STARD13: variants seen among roughly 807,000 people sequenced by gnomAD.
STARD13 encodes stAR-related lipid transfer protein 13.
Under a neutral mutation model 106.4 loss-of-function variants are expected in STARD13, and 62 were observed. The observed-to-expected ratio is 0.58, with a 90% CI of 0.48 to 0.72. The LOEUF is 0.72. STARD13 is among the 30% of genes least tolerant of loss of function. STARD13 has a pLI of 0.00. For missense variants in STARD13, 1,387 were observed against 1,424.0 expected (o/e 0.97, Z 0.42); for synonymous variants, 565 against 553.0 (o/e 1.02, Z -0.31).
At chr13:33,318,701 G>T (rs1594257070) in intron 1 of STARD13, among the ~76,000 whole-genome samples, 1 of 151,664 alleles carries the variant, frequency 6.6e-6, no homozygotes, top group East Asian at 1.9e-4. Context: ...GAAATAAAAA[G>T]AACTCTTAAA....
intron 1 of STARD13, chr13:33,186,053 A>C: frequency 6.2e-7 from 1 of 1,613,558 alleles, no homozygotes; most frequent in Non-Finnish European, 8.5e-7. Context: ...AGCAAGGAGC[A>C]GATGATAGTC....
chr13:33,265,646 CAT>C (rs1169798616), intron 1 of STARD13, among the ~76,000 whole-genome samples: 1 of 152,136 alleles, frequency 6.6e-6, no homozygotes, highest in Non-Finnish European at 1.5e-5. Flanking sequence ...CCTTGCCACT[CAT>C]ATTAAATTCA....
the STARD13 span, among the ~76,000 whole-genome samples, chr13:33,607,920 G>A: frequency 8.5e-5 from 13 of 152,132 alleles, no homozygotes; most frequent in Non-Finnish European, 1.6e-4. Context: ...TAAAGAAACC[G>A]TTTTTTAGAG....
chr13:33,111,730 T>A (rs1165770121), intron 10 of STARD13, 48 bp downstream of exon 10: 2 of 1,123,748 alleles, frequency 1.8e-6, no homozygotes, highest in South Asian at 1.2e-5. Flanking sequence ...GCGTCTTATC[T>A]AGTTCCAAGA....
chr13:33,306,081 A>G (rs1427478942), intron 1 of STARD13, among the ~76,000 whole-genome samples: 1 of 152,252 alleles, frequency 6.6e-6, no homozygotes, highest in Non-Finnish European at 1.5e-5. Context: ...AAACTATACT[A>G]CAAGGCTACA....
At chr13:33,505,186 T>G in the STARD13 span, among the ~76,000 whole-genome samples, 1 of 152,148 alleles carries the variant, frequency 6.6e-6, no homozygotes. Flanking sequence ...AAGCACTAAG[T>G]TTCACATTTA....
intron 1 of STARD13, among the ~76,000 whole-genome samples, chr13:33,270,015 C>T (rs1891081831): frequency 6.6e-6 from 1 of 152,142 alleles, no homozygotes; most frequent in Non-Finnish European, 1.5e-5. Context: ...GTGGGTGGAT[C>T]ATCTAAGGTC....
chr13:33,638,565 T>G, the STARD13 span, among the ~76,000 whole-genome samples: 1 of 152,176 alleles, frequency 6.6e-6, no homozygotes, highest in African/African-American at 2.4e-5. Flanking sequence ...TTCCTTATCA[T>G]GCAGATGAAG....
the STARD13 span, among the ~76,000 whole-genome samples, chr13:33,537,000 TC>T: frequency 6.6e-6 from 1 of 152,242 alleles, no homozygotes; most frequent in Non-Finnish European, 1.5e-5. Context: ...AATCAGATTT[TC>T]TTTTAGGTTA....
At chr13:33,473,640 A>T in the STARD13 span, among the ~76,000 whole-genome samples, 1 of 152,162 alleles carries the variant, frequency 6.6e-6, no homozygotes, top group Non-Finnish European at 1.5e-5. Context: ...CCAGTAATGC[A>T]TTGCTTATGG....
the STARD13 span, among the ~76,000 whole-genome samples, chr13:33,471,793 T>C: frequency 3.9e-5 from 6 of 152,282 alleles, no homozygotes; most frequent in African/African-American, 1.2e-4. Context: ...GTCACAAATA[T>C]TTGCAGCATT....
At chr13:33,574,743 G>GA in the STARD13 span, among the ~76,000 whole-genome samples, 6 of 150,766 alleles carry the variant, frequency 4.0e-5, no homozygotes, top group African/African-American at 1.5e-4. Flanking sequence ...TCCTATCTTG[G>GA]AAAAAAAAGA....
At chr13:33,253,515 C>A (rs900894330) in intron 1 of STARD13, among the ~76,000 whole-genome samples, 25 of 152,186 alleles carry the variant, frequency 1.6e-4, no homozygotes, top group South Asian at 1.5e-3. Flanking sequence ...ACAACAAGGG[C>A]CGCAGCGTGT....
At chr13:33,592,422 G>A in the STARD13 span, among the ~76,000 whole-genome samples, 1 of 152,208 alleles carries the variant, frequency 6.6e-6, no homozygotes, top group Non-Finnish European at 1.5e-5. Flanking sequence ...AAGATGATCA[G>A]AAGGAGACAA....
chr13:33,106,662 G>A (rs994027463), intron 13 of STARD13, 96 bp downstream of exon 13: 4 of 1,199,540 alleles, frequency 3.3e-6, no homozygotes, highest in Admixed American at 4.7e-5. Flanking sequence ...AACAAATACA[G>A]TGAAATAAGA....
At chr13:33,455,934 C>T in the STARD13 span, among the ~76,000 whole-genome samples, 1 of 152,110 alleles carries the variant, frequency 6.6e-6, no homozygotes, top group Non-Finnish European at 1.5e-5. Flanking sequence ...CAGAGCAAGA[C>T]TCCGTCTCAA....
the STARD13 span, among the ~76,000 whole-genome samples, chr13:33,642,492 G>T: frequency 6.6e-6 from 1 of 152,220 alleles, no homozygotes; most frequent in African/African-American, 2.4e-5. Flanking sequence ...CACTTCCTGT[G>T]CTTCAGGCCC....
At chr13:33,614,054 A>C in the STARD13 span, among the ~76,000 whole-genome samples, 1 of 152,348 alleles carries the variant, frequency 6.6e-6, no homozygotes, top group South Asian at 2.1e-4. Flanking sequence ...CCTAGCTTTC[A>C]GACATCCCCT....
At chr13:33,534,295 T>C in the STARD13 span, among the ~76,000 whole-genome samples, 1 of 152,208 alleles carries the variant, frequency 6.6e-6, no homozygotes, top group Non-Finnish European at 1.5e-5. Flanking sequence ...GTATCTTCTT[T>C]GGAATGGTAT....
Sources: gnomAD v4.1 joint callset for allele counts (sites outside exome capture counted in the v4.1 genomes callset) on GRCh38, gnomAD v4.1.1 for gene constraint, MANE v1.5 for transcripts, NCBI Gene and HGNC (gene_info 2026-07-23, HGNC 2026-07-21) for gene names.